The following NPEPL1 variants were observed in gnomAD, a reference collection of about 807,000 sequenced individuals.
The protein encoded by NPEPL1 is probable aminopeptidase NPEPL1.
Under a neutral mutation model 52.4 loss-of-function variants are expected in NPEPL1, and 45 were observed. That is an observed-to-expected ratio of 0.86 (90% CI 0.68 to 1.10). NPEPL1 has a LOEUF of 1.10. Ranked by LOEUF, NPEPL1 falls within the 50% of genes least tolerant of loss-of-function variation. The pLI, the probability that NPEPL1 is intolerant of heterozygous loss-of-function variation, is 0.00. For synonymous variants in NPEPL1, 360 were observed against 314.7 expected, an observed-to-expected ratio of 1.14 and a Z score of -1.52; for missense variants, 696 against 710.9, an observed-to-expected ratio of 0.98 and a Z score of 0.24.
In NPEPL1 at chr20:58,707,206, T is replaced by G. The variant is rs2084753660; in HGVS notation, c.900+6T>G. On this transcript the variant is annotated splice_donor_region_variant and intron_variant, in intron 7 of 11. Coordinates refer to ENST00000356091, the MANE Select transcript of NPEPL1 (RefSeq NM_024663.4). ...TCAGAGCCGCAATCAAGCAGGTGAGTGGGCCCTGCCCGCCCTCTGCAGGGG... is the reference window on the plus strand; with the variant it reads ...TCAGAGCCGCAATCAAGCAGGTGAGGGGGCCCTGCCCGCCCTCTGCAGGGG... The G allele has an allele frequency of 1.3e-6, 2 of 1,548,492 alleles. No individual in the cohort carries two copies. The highest frequency in any genetic ancestry group is 2.4e-5 in the South Asian group (2 of 83,852).
At chr20:58,693,084 C>T (rs2084387781) in intron 1 of NPEPL1, 34 bp downstream of exon 1, 3 of 1,000,490 alleles carry the variant, frequency 3.0e-6, no homozygotes, top group Admixed American at 6.2e-5. Context: ...GCGACCCGCG[C>T]CGCGGAAGCC....
At chr20:58,712,971 G>A in intron 8 of NPEPL1, 1 of 374,888 alleles carries the variant, frequency 2.7e-6, no homozygotes, top group Non-Finnish European at 5.2e-6. Context: ...AAGCTGAGCT[G>A]GCAGCTGAGG....
At chr20:58,690,276 A>G (rs1232414217), upstream of NPEPL1, among the ~76,000 whole-genome samples, 7 of 152,248 alleles carry the variant, frequency 4.6e-5, no homozygotes, top group Non-Finnish European at 8.8e-5. Context: ...GTTTCAAGCC[A>G]TCAAAAACAT....
intron 6 of NPEPL1, among the ~76,000 whole-genome samples, chr20:58,703,094 G>A (rs1041715881): frequency 5.3e-5 from 8 of 152,152 alleles, no homozygotes; most frequent in Non-Finnish European, 1.2e-4. Context: ...GGGCCCTGGA[G>A]GCCCCGACTG....
chr20:58,708,541 G>A (rs747442607), intron 7 of NPEPL1, among the ~76,000 whole-genome samples: 3 of 151,876 alleles, frequency 2.0e-5, no homozygotes, highest in Non-Finnish European at 2.9e-5. Flanking sequence ...AGCACCTGCC[G>A]TGGCCCGTCC....
rs367658268 is a variant in NPEPL1 at position 58,698,704 on chromosome 20, C to T, written c.528C>T (p.Asp176=). The change falls in exon 4 of 12, where the codon GAC becomes GAT. Residue 176 remains aspartate, a synonymous_variant. Transcript: ENST00000356091. ...STLQCLANAT[D]GVRLAARIVD... is the part of the protein sequence containing the mutation. ...CCTAGTGCTTAGCGAATGCCACAGA[C>T]GGCGTGCGGCTAGCAGCCCGCATCG... The T allele has an allele frequency of 1.6e-5, 26 of 1,612,782 alleles. 1 individual carries two copies. The highest frequency in any genetic ancestry group is 1.7e-4 in the Middle Eastern group (1 of 6,060).
At chr20:58,708,713 T>C (rs1460410443) in intron 7 of NPEPL1, among the ~76,000 whole-genome samples, 1 of 152,136 alleles carries the variant, frequency 6.6e-6, no homozygotes, top group Non-Finnish European at 1.5e-5. Context: ...GGGCTCCCAC[T>C]ACCTGGCCCT....
At chr20:58,711,010 A>T (rs2084823930) in intron 7 of NPEPL1, 1 of 151,730 alleles carries the variant, frequency 6.6e-6, no homozygotes, top group African/African-American at 2.4e-5. Context: ...TTCAGCGGGT[A>T]GCAGCCCTCC....
rs551756082 is a variant in NPEPL1, at chr20:58,696,690, C to T, written c.508-1994C>T. Reference sequence around the variant, plus strand: ...ACAGATGGCCTCCTTCCAGCTCCTGCGTCACTCGCCTTCCAAAGGCACATC... The same window carrying T: ...ACAGATGGCCTCCTTCCAGCTCCTGTGTCACTCGCCTTCCAAAGGCACATC... On this transcript the variant is annotated intron_variant, in intron 3 of 11. Coordinates refer to ENST00000356091, the MANE Select transcript of NPEPL1 (RefSeq NM_024663.4). Among the ~76,000 whole-genome samples, 10 of 152,374 alleles carry T rather than the reference C, an allele frequency of 6.6e-5. No individual in the cohort carries two copies. The South Asian group carries it at 8.3e-4, about 13-fold the overall frequency.
intron 6 of NPEPL1, chr20:58,703,767 C>G (rs2084683032): frequency 1.2e-6 from 1 of 850,832 alleles, no homozygotes; most frequent in Non-Finnish European, 1.4e-6. Flanking sequence ...CACAGGCCTT[C>G]CCTAGAGGCC....
chr20:58,713,199 A>G lies in NPEPL1; in HGVS notation c.1002-221A>G, dbSNP rs576697077. On this transcript the variant is annotated intron_variant, in intron 8 of 11. Transcript: ENST00000356091. This position sits in a 1 kb window ranked among gnomAD's most constrained non-coding sequence, Gnocchi z 4.6. ...CCAAATGGCTGGTCTCTGGCTCTCC[A>G]GAGCAGCGGGGCAGGGATGTCACCT... 10 of 537,462 alleles carry G rather than the reference A, an allele frequency of 1.9e-5. No homozygotes were observed. In the East Asian group the frequency reaches 2.1e-4, roughly 11 times the overall value. 33.3% of individuals were successfully genotyped at this position (537,462 alleles called of 1,614,324 possible). A position where few individuals can be genotyped will look rare whatever the true frequency, so the allele number is the denominator to read the frequency against.
upstream of NPEPL1, chr20:58,691,685 TTTC>T (rs1287292688): frequency 6.2e-5 from 50 of 802,240 alleles, no homozygotes; most frequent in Middle Eastern, 2.7e-4. Flanking sequence ...TTTTTCTTTT[TTTC>T]TTTTCTTTTT....
Position 58,694,454 on chromosome 20 carries a change from C to A in NPEPL1, c.369C>A (p.Ser123=). ...MVCEQPEVFA[S]ACALARAFPL... is the part of the protein sequence containing the mutation. Reference sequence around the variant, plus strand: ...GCGAGCAGCCGGAGGTCTTTGCTTCCGCCTGTGCCCTGGCCCGGGCCTTCC... The same window carrying A: ...GCGAGCAGCCGGAGGTCTTTGCTTCAGCCTGTGCCCTGGCCCGGGCCTTCC... The change falls in exon 3 of 12, where the codon TCC becomes TCA. Residue 123 remains serine, a synonymous_variant. Transcript: ENST00000356091. The A allele has an allele frequency of 6.2e-7, 1 of 1,613,276 alleles. No individual in the cohort carries two copies. The highest frequency in any genetic ancestry group is 8.5e-7 in the Non-Finnish European group (1 of 1,179,576).
intron 6 of NPEPL1, chr20:58,705,691 G>A (rs2084722901): frequency 2.5e-6 from 1 of 397,822 alleles, no homozygotes; most frequent in Non-Finnish European, 5.1e-6. Context: ...AATCAGTTGA[G>A]CTGTATTTGC....
chr20:58,699,205 C>G lies in NPEPL1; in HGVS notation c.606C>G (p.Asn202Lys). 1 of 1,597,474 alleles carries G rather than the reference C, an allele frequency of 6.3e-7. No individual in the cohort carries two copies. The highest frequency in any genetic ancestry group is 1.1e-5 in the South Asian group (1 of 87,968). Residue 202 changes from asparagine to lysine, a missense_variant, in exon 5 of 12, where the codon AAC (asparagine) becomes AAG (lysine). Coordinates refer to ENST00000356091, the MANE Select transcript of NPEPL1 (RefSeq NM_024663.4). ...TCCATGAACATGTCCAGGAGATTAA[C>G]AAAGTTGGAAAGGAGCTGGGGATCA... ...MNTDTFLEEI[N>K]KVGKELGIIP...
chr20:58,703,676 T>G lies in NPEPL1; in HGVS notation c.822+2518T>G, dbSNP rs1055221519. 21 of 985,232 alleles carry G rather than the reference T, an allele frequency of 2.1e-5. No individual in the cohort carries two copies. In the Admixed American group the frequency reaches 1.0e-3, roughly 49 times the overall value. 61.0% of individuals were successfully genotyped at this position (985,232 alleles called of 1,614,324 possible). On this transcript the variant is annotated intron_variant, in intron 6 of 11. Coordinates refer to ENST00000356091, the MANE Select transcript of NPEPL1 (RefSeq NM_024663.4). ...AGGGAAAATATCGTTGCACCTGACT[T>G]CATCTCATGTGGCTGTGGGTAGACC...
intron 3 of NPEPL1, among the ~76,000 whole-genome samples, chr20:58,696,844 G>C (rs1418280175): frequency 6.6e-6 from 1 of 152,222 alleles, no homozygotes; most frequent in Non-Finnish European, 1.5e-5. Context: ...ACATCCTGTT[G>C]TCCCCACGAC....
rs755591499 is a variant in NPEPL1, at chr20:58,713,380, G to A, written c.1002-40G>A. On this transcript the variant is annotated intron_variant, in intron 8 of 11. Transcript: ENST00000356091. This position sits in a 1 kb window ranked among gnomAD's most constrained non-coding sequence, Gnocchi z 4.6. ...AAAGGGGCTCATGCCAGTGTCCCAG[G>A]AAATCCCGTCCCTGAGCGGGGATCT... The A allele has an allele frequency of 2.6e-6, 4 of 1,552,178 alleles. No individual in the cohort carries two copies. The East Asian group carries it at 9.4e-5, about 36-fold the overall frequency.
chr20:58,710,291 T>G (rs2084810060), intron 7 of NPEPL1, among the ~76,000 whole-genome samples: 1 of 152,166 alleles, frequency 6.6e-6, no homozygotes, highest in African/African-American at 2.4e-5. Context: ...CACCTCAGCC[T>G]CCCAAAGTGC....
Sources: allele counts gnomAD v4.1 joint callset (sites outside exome capture counted in the v4.1 genomes callset), GRCh38; gene constraint gnomAD v4.1.1; non-coding constraint Gnocchi (gnomAD v3.1); transcripts MANE v1.5; gene names NCBI Gene and HGNC (gene_info 2026-07-23, HGNC 2026-07-21).